PCDHGB6: variants seen among roughly 807,000 people sequenced by gnomAD.
PCDHGB6 encodes the protein protocadherin gamma-B6.
In PCDHGB6, 51 loss-of-function variants were observed where a neutral mutation model predicts 59.1. The ratio of observed to expected loss-of-function variants is 0.86; its 90% confidence interval spans 0.69 to 1.09. The LOEUF is 1.09. Among genes scored for constraint, PCDHGB6 ranks in the 50% least tolerant of loss-of-function variants. PCDHGB6 has a pLI of 0.00. For missense variants in PCDHGB6, 1,148 were observed against 1,205.1 expected (o/e 0.95, Z 0.70); for synonymous variants, 466 against 495.1 (o/e 0.94, Z 0.78).
In PCDHGB6 at chr5:141,490,925, C is replaced by T; in HGVS notation, c.2419-3882C>T. 1 of 1,613,688 alleles carries T rather than the reference C, an allele frequency of 6.2e-7. No homozygotes were observed. The highest frequency in any genetic ancestry group is 8.5e-7 in the Non-Finnish European group (1 of 1,179,700). On this transcript the variant is annotated intron_variant, in intron 1 of 3. Coordinates refer to ENST00000520790, the MANE Select transcript of PCDHGB6 (RefSeq NM_018926.3). The surrounding 1 kb of genome is among the most constrained non-coding windows in gnomAD (Gnocchi z 5.4). ...GTCCTAGACGAGAATGATAATGCCC[C>T]AGCTGTGCTGCACCCACGGCCAGAC... is the stretch of plus-strand genomic sequence containing the variant.
intron 1 of PCDHGB6, among the ~76,000 whole-genome samples, chr5:141,464,444 T>C (rs2099084887): frequency 6.6e-6 from 1 of 151,634 alleles, no homozygotes; most frequent in East Asian, 1.9e-4. Context: ...TGTTTGTTGT[T>C]GTTGTTGTTA....
chr5:141,423,929 G>C, intron 1 of PCDHGB6: 1 of 1,236,074 alleles, frequency 8.1e-7, no homozygotes, highest in East Asian at 3.5e-5. Flanking sequence ...TGCTGGTTTG[G>C]TTTGAAGTAA....
chr5:141,476,551 C>G lies in PCDHGB6; in HGVS notation c.2419-18256C>G, dbSNP rs367700651. ...CCCAGGAAATGAAATTGGAGATTAG[C>G]GAGGCCGTGGCTCCGGGGACGCGCT... On this transcript the variant is annotated intron_variant, in intron 1 of 3. Transcript: ENST00000520790. The surrounding 1 kb of genome is among the most constrained non-coding windows in gnomAD (Gnocchi z 7.6). 128 of 1,614,078 alleles carry G rather than the reference C, an allele frequency of 7.9e-5. No homozygotes were observed. Among genetic ancestry groups the G allele is most frequent in the Non-Finnish European group, 1.0e-4 (122 of 1,180,034 alleles).
intron 1 of PCDHGB6, among the ~76,000 whole-genome samples, chr5:141,469,289 A>G (rs2154570270): frequency 6.6e-6 from 1 of 151,932 alleles, no homozygotes; most frequent in South Asian, 2.1e-4. Flanking sequence ...AAAATAAAAC[A>G]AAATAGACTG....
chr5:141,507,937 A>T (rs2154594220), intron 3 of PCDHGB6: 1 of 152,420 alleles, frequency 6.6e-6, no homozygotes, highest in Admixed American at 6.5e-5. Context: ...AGAGGGGTTA[A>T]GTAAGAGGGA....
At chr5:141,459,737 A>T (rs2098974670) in intron 1 of PCDHGB6, among the ~76,000 whole-genome samples, 1 of 152,176 alleles carries the variant, frequency 6.6e-6, no homozygotes, top group African/African-American at 2.4e-5. Flanking sequence ...CAATTTTTTA[A>T]ATTTTAGCAA....
intron 2 of PCDHGB6, among the ~76,000 whole-genome samples, chr5:141,500,793 A>G (rs1245472175): frequency 6.6e-6 from 1 of 152,210 alleles, no homozygotes; most frequent in Non-Finnish European, 1.5e-5. Context: ...ATTTTACAGA[A>G]TAAGTCCTCA....
intron 1 of PCDHGB6, among the ~76,000 whole-genome samples, chr5:141,463,527 G>C (rs12109431): frequency 1.5e-5 from 2 of 131,102 alleles, no homozygotes; most frequent in Non-Finnish European, 3.1e-5. Context: ...CGGCTTACTA[G>C]AAACTCCGGC....
At chr5:141,415,853 G>C (rs2154546169) in intron 1 of PCDHGB6, 1 of 1,186,350 alleles carries the variant, frequency 8.4e-7, no homozygotes, top group Admixed American at 4.0e-5. Context: ...GCAGAACCTT[G>C]TAGTTTATAG....
rs201538255 is a variant in PCDHGB6 at position 141,476,796 on chromosome 5, G to A, written c.2419-18011G>A. 10 of 1,613,584 alleles carry A rather than the reference G, an allele frequency of 6.2e-6. No individual in the cohort carries two copies. In the East Asian group the frequency reaches 2.2e-4, roughly 36 times the overall value. On this transcript the variant is annotated intron_variant, in intron 1 of 3. Transcript: ENST00000520790. This position sits in a 1 kb window ranked among gnomAD's most constrained non-coding sequence, Gnocchi z 7.6. Reference sequence around the variant, plus strand: ...GGAGGGACCCCAGCTCTCTCCGCCAGCCTGCCTATTCACATCAAGGTGCTG... The same window carrying A: ...GGAGGGACCCCAGCTCTCTCCGCCAACCTGCCTATTCACATCAAGGTGCTG...
At chr5:141,441,730 A>ATGGT in intron 1 of PCDHGB6, 1 of 362,748 alleles carries the variant, frequency 2.8e-6, no homozygotes, top group South Asian at 2.2e-5. Flanking sequence ...CGCGACCAGG[A>ATGGT]CTAGCTCGCG....
chr5:141,409,942 C>G lies in PCDHGB6; in HGVS notation c.1740C>G (p.Arg580=). ...DGSAFFDMVP[R]SAEPGYLVTK... ...CCGCGTTCTTCGATATGGTACCTCG[C>G]TCTGCAGAGCCCGGCTACCTAGTGA... Residue 580 remains arginine (R), a synonymous_variant, in exon 1 of 4, where the codon CGC becomes CGG. Transcript: ENST00000520790. The G allele has an allele frequency of 1.2e-6, 2 of 1,613,284 alleles. No homozygotes were observed. The highest frequency in any genetic ancestry group is 1.7e-6 in the Non-Finnish European group (2 of 1,179,710).
At position 141,423,758 on chromosome 5, in the gene PCDHGB6, G is replaced by GC. The variant is rs1554116873; in HGVS notation, c.2418+13138_2418+13139insC. 1.7e-4 allele frequency: 62 copies of GC among 366,836 alleles called. 2 individuals are homozygous for GC. The highest frequency in any genetic ancestry group is 4.2e-4 in the Middle Eastern group (1 of 2,358). The allele number at this position is 366,836 out of a possible 1,614,324, so 22.7% of individuals were successfully genotyped here. Reference sequence around the variant, plus strand: ...CTGTTATGAAAACTGTTTGGGGGGGGGGTGGGGCGGCATATATTTAGTTCA... The same window carrying GC: ...CTGTTATGAAAACTGTTTGGGGGGGGCGGTGGGGCGGCATATATTTAGTTCA... On this transcript the variant is annotated intron_variant, in intron 1 of 3. Coordinates refer to ENST00000520790, the MANE Select transcript of PCDHGB6 (RefSeq NM_018926.3).
At chr5:141,479,849 C>T (rs1014214860) in intron 1 of PCDHGB6, among the ~76,000 whole-genome samples, 7 of 152,208 alleles carry the variant, frequency 4.6e-5, no homozygotes. Context: ...AAGGTGACTG[C>T]AAGGCCTTTG....
intron 1 of PCDHGB6, among the ~76,000 whole-genome samples, chr5:141,474,143 TATC>T (rs1371874237): frequency 1.3e-5 from 2 of 152,188 alleles, no homozygotes; most frequent in Non-Finnish European, 2.9e-5. Context: ...CAGGCCTTAT[TATC>T]AAGAAAATGA....
At chr5:141,503,332 C>T (rs536647792) in intron 2 of PCDHGB6, among the ~76,000 whole-genome samples, 5 of 152,074 alleles carry the variant, frequency 3.3e-5, no homozygotes, top group Admixed American at 6.5e-5. Context: ...CGCGGTGGCT[C>T]ACGCCTGTAA....
At chr5:141,509,486 A>G (rs1022659275) in intron 3 of PCDHGB6, among the ~76,000 whole-genome samples, 10 of 152,132 alleles carry the variant, frequency 6.6e-5, no homozygotes, top group African/African-American at 2.4e-4. Flanking sequence ...GGTAGAGGTG[A>G]TGGCATGCTG....
intron 1 of PCDHGB6, chr5:141,421,419 A>T (rs778839137): frequency 1.2e-6 from 2 of 1,614,072 alleles, no homozygotes; most frequent in Non-Finnish European, 1.7e-6. Context: ...CGAAGCGCGG[A>T]GTCCGCATCG....
chr5:141,489,530 G>A lies in PCDHGB6; in HGVS notation c.2419-5277G>A. 6.2e-7 allele frequency: 1 copy of A among 1,614,092 alleles called. No homozygotes were observed. Among genetic ancestry groups the A allele is most frequent in the Non-Finnish European group, 8.5e-7 (1 of 1,180,022 alleles). On this transcript the variant is annotated intron_variant, in intron 1 of 3. Transcript: ENST00000520790. This position sits in a 1 kb window ranked among gnomAD's most constrained non-coding sequence, Gnocchi z 4.5. ...AAGATTGACCGAGAAAGCCTATGTGGAGCCAGCACCAGCTGCCTGCTGCCA... is the reference window on the plus strand; with the variant it reads ...AAGATTGACCGAGAAAGCCTATGTGAAGCCAGCACCAGCTGCCTGCTGCCA...
Sources: allele counts gnomAD v4.1 joint callset (sites outside exome capture counted in the v4.1 genomes callset), GRCh38; gene constraint gnomAD v4.1.1; non-coding constraint Gnocchi (gnomAD v3.1); transcripts MANE v1.5; gene names NCBI Gene and HGNC (gene_info 2026-07-23, HGNC 2026-07-21).